Variants in LYZL4 observed in about 807,000 individuals in gnomAD.
The protein encoded by LYZL4 is lysozyme like 4.
In LYZL4, 13 loss-of-function variants were observed where a neutral mutation model predicts 17.6. The observed-to-expected ratio is 0.74, with a 90% confidence interval of 0.48 to 1.18. The LOEUF (loss-of-function observed/expected upper bound fraction) is 1.18, where lower values mean the gene tolerates loss of function less well. Ranked by LOEUF, LYZL4 falls within the 50% of genes most tolerant of loss-of-function variation. LYZL4 has a pLI of 0.00. For synonymous variants in LYZL4, 64 were observed against 67.7 expected (o/e 0.95, Z 0.27); for missense variants, 174 against 188.2 (o/e 0.92, Z 0.44).
intron 3 of LYZL4, 109 bp downstream of exon 3, chr3:42,406,737 C>T: frequency 7.2e-7 from 1 of 1,390,922 alleles, no homozygotes; most frequent in Non-Finnish European, 9.9e-7. Flanking sequence ...GCTCCTGCCA[C>T]ACCCTCTTCT....
chr3:42,405,915 T>C (rs1389594360), intron 3 of LYZL4, among the ~76,000 whole-genome samples: 3 of 152,110 alleles, frequency 2.0e-5, no homozygotes, highest in Admixed American at 1.3e-4. Context: ...TGAATACTTA[T>C]AAAGGGCTTA....
chr3:42,386,269 A>C, the LYZL4 span, among the ~76,000 whole-genome samples: 2 of 151,576 alleles, frequency 1.3e-5, no homozygotes, highest in African/African-American at 4.9e-5. Flanking sequence ...CGCCTGGCTA[A>C]TTTTTGTATT....
At chr3:42,385,119 T>C in the LYZL4 span, among the ~76,000 whole-genome samples, 1 of 152,296 alleles carries the variant, frequency 6.6e-6, no homozygotes, top group African/African-American at 2.4e-5. Context: ...TGATAATTAC[T>C]TTAAAAAAAT....
the LYZL4 span, among the ~76,000 whole-genome samples, chr3:42,384,101 A>G: frequency 6.6e-6 from 1 of 152,234 alleles, no homozygotes; most frequent in Non-Finnish European, 1.5e-5. Context: ...TTCCAGAAAG[A>G]AAAGACATAC....
the LYZL4 span, among the ~76,000 whole-genome samples, chr3:42,373,050 C>CA: frequency 6.6e-5 from 10 of 150,840 alleles, no homozygotes; most frequent in South Asian, 8.4e-4. Context: ...CCACAAAAAC[C>CA]AAAAAAAAAT....
chr3:42,377,047 A>G, the LYZL4 span, among the ~76,000 whole-genome samples: 6 of 152,210 alleles, frequency 3.9e-5, no homozygotes, highest in African/African-American at 7.2e-5. Flanking sequence ...CATGCTTACT[A>G]CACATCATGC....
chr3:42,363,728 G>A, the LYZL4 span, among the ~76,000 whole-genome samples: 55 of 152,200 alleles, frequency 3.6e-4, no homozygotes, highest in African/African-American at 1.3e-3. Flanking sequence ...AAGGAAGGGC[G>A]GACAGAAAAA....
At chr3:42,378,892 T>G in the LYZL4 span, among the ~76,000 whole-genome samples, 1 of 152,276 alleles carries the variant, frequency 6.6e-6, no homozygotes, top group East Asian at 1.9e-4. Context: ...GTGAGAAAAC[T>G]GAATTACATA....
chr3:42,393,125 G>A (rs1224688122), downstream of LYZL4, among the ~76,000 whole-genome samples: 1 of 152,184 alleles, frequency 6.6e-6, no homozygotes, highest in African/African-American at 2.4e-5. Context: ...CAGGGAGGAA[G>A]GAGGAAGCAG....
chr3:42,397,288 A>G lies in LYZL4; in HGVS notation c.418T>C (p.Trp140Arg), dbSNP rs944746795. The part of the protein sequence containing the change: ...YCQYSDTLAR[W>R]LDGCKL ...GGCTACAGCTTGCAACCATCCAGCC[A>G]CCGTGCCAGGGTATCGGAGTACTGG... is the stretch of plus-strand genomic sequence containing the variant. The change falls in exon 5 of 5, where the codon TGG becomes CGG. Residue 140 changes from tryptophan to arginine, a missense_variant. By Grantham distance (101) the Trp-to-Arg change is moderately radical. Coordinates refer to ENST00000287748, the MANE Select transcript of LYZL4 (RefSeq NM_144634.4). The G allele has an allele frequency of 1.3e-6, 2 of 1,570,148 alleles. No individual in the cohort carries two copies. Among genetic ancestry groups the G allele is most frequent in the South Asian group, 2.4e-5 (2 of 85,024 alleles).
At chr3:42,406,224 C>T (rs1010326115) in intron 3 of LYZL4, among the ~76,000 whole-genome samples, 5 of 152,028 alleles carry the variant, frequency 3.3e-5, no homozygotes, top group East Asian at 1.9e-4. Context: ...GAGGCCGAGA[C>T]GGGCAGATCA....
intron 1 of LYZL4, among the ~76,000 whole-genome samples, chr3:42,409,985 A>T (rs1169523017): frequency 6.6e-6 from 1 of 152,174 alleles, no homozygotes; most frequent in Non-Finnish European, 1.5e-5. Context: ...TGCACCAGCC[A>T]TTCCTTCTAC....
At chr3:42,366,125 C>T in the LYZL4 span, among the ~76,000 whole-genome samples, 4 of 152,104 alleles carry the variant, frequency 2.6e-5, no homozygotes, top group Admixed American at 6.6e-5. Flanking sequence ...AGATAAAAGG[C>T]CATGTTTGTC....
the LYZL4 span, among the ~76,000 whole-genome samples, chr3:42,373,892 A>G: frequency 6.6e-6 from 1 of 152,160 alleles, no homozygotes; most frequent in Non-Finnish European, 1.5e-5. Context: ...AAATACATGT[A>G]TATATTTGCT....
chr3:42,381,047 A>G, the LYZL4 span, among the ~76,000 whole-genome samples: 4 of 152,184 alleles, frequency 2.6e-5, no homozygotes, highest in Non-Finnish European at 4.4e-5. Context: ...GAAAAACTCA[A>G]TGTTGCAGAC....
intron 3 of LYZL4, 129 bp downstream of exon 3, chr3:42,406,717 C>T: frequency 2.5e-6 from 3 of 1,186,864 alleles, no homozygotes; most frequent in Non-Finnish European, 3.6e-6. Flanking sequence ...AGGGACCCAC[C>T]CTGGATATGG....
chr3:42,382,875 C>G, the LYZL4 span, among the ~76,000 whole-genome samples: 2 of 152,090 alleles, frequency 1.3e-5, no homozygotes, highest in African/African-American at 2.4e-5. Context: ...AAAGCTGACT[C>G]TTTGGCCAGC....
At chr3:42,376,367 A>T in the LYZL4 span, among the ~76,000 whole-genome samples, 1 of 152,112 alleles carries the variant, frequency 6.6e-6, no homozygotes, top group Non-Finnish European at 1.5e-5. Context: ...ATCACTTTAC[A>T]TCAATAGCCC....
chr3:42,385,405 G>A, the LYZL4 span, among the ~76,000 whole-genome samples: 114 of 152,268 alleles, frequency 7.5e-4, no homozygotes, highest in African/African-American at 2.5e-3. Flanking sequence ...ACAGTAACAT[G>A]GTGTGCAAGT....
Sources: gnomAD v4.1 joint callset for allele counts (sites outside exome capture counted in the v4.1 genomes callset) on GRCh38, gnomAD v4.1.1 for gene constraint, MANE v1.5 for transcripts, NCBI Gene and HGNC (gene_info 2026-07-23, HGNC 2026-07-21) for gene names.